FAM135A: variants seen among roughly 807,000 people sequenced by gnomAD.
FAM135A encodes family with sequence similarity 135 member A.
A neutral mutation model predicts 146.8 loss-of-function variants in FAM135A; 79 were observed. The ratio of observed to expected loss-of-function variants is 0.54; its 90% CI spans 0.45 to 0.65. The LOEUF (loss-of-function observed/expected upper bound fraction) is 0.65, where lower values mean the gene tolerates loss of function less well. Among genes scored for constraint, FAM135A ranks in the 30% least tolerant of loss-of-function variants. FAM135A has a pLI of 0.00. For synonymous variants in FAM135A, 562 were observed against 603.6 expected, an observed-to-expected ratio of 0.93 and a Z score of 1.01; for missense variants, 1,623 against 1,758.2, an observed-to-expected ratio of 0.92 and a Z score of 1.38.
intron 12 of FAM135A, among the ~76,000 whole-genome samples, chr6:70,519,977 C>T (rs1490502495): frequency 6.6e-6 from 1 of 151,876 alleles, no homozygotes; most frequent in Non-Finnish European, 1.5e-5. Context: ...ACTAGTATTC[C>T]ATATTATTAA....
intron 7 of FAM135A, among the ~76,000 whole-genome samples, chr6:70,476,200 A>G (rs1407764362): frequency 1.3e-5 from 2 of 152,116 alleles, no homozygotes; most frequent in Non-Finnish European, 2.9e-5. Context: ...AGGATTGGCT[A>G]CCTCCAACTT....
At chr6:70,498,897 A>G (rs1486032323) in intron 11 of FAM135A, among the ~76,000 whole-genome samples, 1 of 152,262 alleles carries the variant, frequency 6.6e-6, no homozygotes, top group Non-Finnish European at 1.5e-5. Context: ...ACTTCCAATT[A>G]TGTAATCGAT....
intron 5 of FAM135A, among the ~76,000 whole-genome samples, chr6:70,455,135 GGTC>G (rs1778049132): frequency 6.6e-6 from 1 of 151,980 alleles, no homozygotes; most frequent in Non-Finnish European, 1.5e-5. Flanking sequence ...TCCTTGAAGA[GGTC>G]CTTCACATCC....
intron 11 of FAM135A, among the ~76,000 whole-genome samples, chr6:70,499,914 T>G (rs565422728): frequency 5.3e-5 from 8 of 152,328 alleles, no homozygotes; most frequent in East Asian, 3.9e-4. Context: ...TACCATTTTT[T>G]CCTTCATTTC....
At chr6:70,447,327 C>T (rs902457058) in intron 4 of FAM135A, among the ~76,000 whole-genome samples, 12 of 152,188 alleles carry the variant, frequency 7.9e-5, no homozygotes, top group South Asian at 2.1e-4. Flanking sequence ...CTGTGCTATT[C>T]GCTCTCCTGG....
chr6:70,413,800 C>T (rs916803765), intron 1 of FAM135A, 98 bp downstream of exon 1: 13 of 985,262 alleles, frequency 1.3e-5, no homozygotes, highest in African/African-American at 8.7e-5. Flanking sequence ...GAAGCGGCCT[C>T]CTCTTCGTCC....
At chr6:70,432,992 A>G (rs1330611637) in intron 4 of FAM135A, among the ~76,000 whole-genome samples, 1 of 152,108 alleles carries the variant, frequency 6.6e-6, no homozygotes, top group Admixed American at 6.5e-5. Context: ...TATAAATGGT[A>G]TAAGTAATTT....
At chr6:70,447,896 C>T (rs1776162351) in intron 4 of FAM135A, among the ~76,000 whole-genome samples, 1 of 152,134 alleles carries the variant, frequency 6.6e-6, no homozygotes, top group South Asian at 2.1e-4. Context: ...CTGCTGTTGC[C>T]TGTGCTAGCA....
intron 15 of FAM135A, 45 bp from the exon 16 acceptor site, chr6:70,528,247 T>C: frequency 6.5e-7 from 1 of 1,536,878 alleles, no homozygotes; most frequent in Non-Finnish European, 8.7e-7. Flanking sequence ...TTCTAACAAC[T>C]GAATATGATC....
At chr6:70,433,366 G>A (rs932961603) in intron 4 of FAM135A, among the ~76,000 whole-genome samples, 1 of 152,026 alleles carries the variant, frequency 6.6e-6, no homozygotes, top group Non-Finnish European at 1.5e-5. Context: ...GAGCCACCGC[G>A]CCCGGCCTTC....
chr6:70,491,000 T>TG (rs1307536079), intron 10 of FAM135A, 34 bp from the exon 11 acceptor site: 3 of 1,476,410 alleles, frequency 2.0e-6, no homozygotes, highest in Non-Finnish European at 2.7e-6. Flanking sequence ...ATATCTAACA[T>TG]TGGAATATTT....
At position 70,522,414 on chromosome 6, in the gene FAM135A, G is replaced by A. The variant is rs544303710; in HGVS notation, c.1030-99G>A. 7.8e-5 allele frequency: 71 copies of A among 910,992 alleles called. 1 individual carries two copies. The African/African-American group carries it at 8.3e-4, about 11-fold the overall frequency. 56.4% of individuals were successfully genotyped at this position (910,992 alleles called of 1,614,324 possible). Reference sequence around the variant, plus strand: ...AAGTTTAATTCTGACGGGTGATTGTGGAAGGCGTAATGGAGGCAGTTTCTC... The same window carrying A: ...AAGTTTAATTCTGACGGGTGATTGTAGAAGGCGTAATGGAGGCAGTTTCTC... On this transcript the variant is annotated intron_variant, in intron 12 of 21. Transcript: ENST00000418814.
In FAM135A at chr6:70,423,197, G is replaced by A. The variant is rs80247713; in HGVS notation, c.-133-3242G>A. Among the ~76,000 whole-genome samples, 518 of 152,272 alleles carry A rather than the reference G, an allele frequency of 3.4e-3. 8 individuals carry two copies. The highest frequency in any genetic ancestry group is 0.026 in the East Asian group (135 of 5,178). ...TAGAAAGGAAATAAGTATGATGGGA[G>A]TGAGGAGAATCGTAGGAGATGAAGT... On this transcript the variant is annotated intron_variant, in intron 2 of 21. Transcript: ENST00000418814.
At chr6:70,490,154 A>G (rs765246593) in intron 10 of FAM135A, among the ~76,000 whole-genome samples, 1 of 152,156 alleles carries the variant, frequency 6.6e-6, no homozygotes, top group Non-Finnish European at 1.5e-5. Context: ...GAATTCAGGG[A>G]TGTTATAGAA....
intron 8 of FAM135A, among the ~76,000 whole-genome samples, chr6:70,479,803 A>G (rs1005572770): frequency 6.6e-6 from 1 of 152,118 alleles, no homozygotes. Flanking sequence ...TATAGACGTT[A>G]TATCAGTTAC....
At position 70,525,249 on chromosome 6, in the gene FAM135A, GTCTT is replaced by G; in HGVS notation, c.2169_2172del (p.Ser724LeufsTer5). On this transcript the variant is annotated frameshift_variant, in exon 15 of 22. Coordinates refer to ENST00000418814, the MANE Select transcript of FAM135A (RefSeq NM_001162529.3). LOFTEE classifies it high-confidence loss of function. ...AAGGAAGCTTTGCAAGAAGCAAAGT[GTCTT>G]TCTATTGGAGAATCATTAACTAAAT... 3 of 1,600,056 alleles carry G rather than the reference GTCTT, an allele frequency of 1.9e-6. No homozygotes were observed. The highest frequency in any genetic ancestry group is 2.6e-6 in the Non-Finnish European group (3 of 1,174,976).
intron 12 of FAM135A, among the ~76,000 whole-genome samples, chr6:70,518,307 G>T (rs1185664129): frequency 4.6e-5 from 7 of 152,172 alleles, no homozygotes; most frequent in Non-Finnish European, 1.0e-4. Flanking sequence ...AGGCTGAAAG[G>T]TAAGGAAGCT....
At chr6:70,523,832 G>T in intron 13 of FAM135A, 135 bp from the exon 14 acceptor site, 2 of 733,460 alleles carry the variant, frequency 2.7e-6, no homozygotes, top group Non-Finnish European at 4.2e-6. Flanking sequence ...TGACCAAGCA[G>T]CTCTCTCATA....
chr6:70,530,774 T>C (rs1398434630), intron 16 of FAM135A, among the ~76,000 whole-genome samples: 1 of 151,826 alleles, frequency 6.6e-6, no homozygotes, highest in African/African-American at 2.4e-5. Flanking sequence ...CAAACAAAAA[T>C]TGTGGAAAAA....
Sources: gnomAD v4.1 joint callset for allele counts (sites outside exome capture counted in the v4.1 genomes callset) on GRCh38, gnomAD v4.1.1 for gene constraint, MANE v1.5 for transcripts, NCBI Gene and HGNC (gene_info 2026-07-23, HGNC 2026-07-21) for gene names.